Variants in CAMSAP2 observed in about 807,000 individuals in gnomAD.
CAMSAP2 encodes calmodulin-regulated spectrin-associated protein 2.
A neutral mutation model predicts 146.1 loss-of-function variants in CAMSAP2; 26 were observed. That is an observed-to-expected ratio of 0.18 (90% CI 0.13 to 0.25). The LOEUF is 0.25. CAMSAP2 is among the 10% of genes least tolerant of loss of function. The pLI, the probability that CAMSAP2 is intolerant of heterozygous loss-of-function variation, is 1.00. For missense variants in CAMSAP2, 1,381 were observed against 1,759.3 expected (o/e 0.78, Z 3.85); for synonymous variants, 499 against 596.6 (o/e 0.84, Z 2.38).
chr1:200,776,946 G>C (rs558304943), intron 2 of CAMSAP2, among the ~76,000 whole-genome samples: 1 of 152,274 alleles, frequency 6.6e-6, no homozygotes, highest in South Asian at 2.1e-4. Flanking sequence ...TTTCCAGACA[G>C]GTGCTTGCCT....
At chr1:200,834,036 A>G (rs1372705153) in intron 6 of CAMSAP2, among the ~76,000 whole-genome samples, 1 of 152,212 alleles carries the variant, frequency 6.6e-6, no homozygotes, top group Non-Finnish European at 1.5e-5. Context: ...TTTAAGTTGA[A>G]TATATTTTAT....
At chr1:200,824,915 G>A (rs1666866313) in intron 4 of CAMSAP2, among the ~76,000 whole-genome samples, 1 of 152,102 alleles carries the variant, frequency 6.6e-6, no homozygotes, top group Non-Finnish European at 1.5e-5. Flanking sequence ...GGAGGCGGAG[G>A]TTGCAGTGAG....
intron 2 of CAMSAP2, among the ~76,000 whole-genome samples, chr1:200,776,193 G>A (rs1202953832): frequency 2.6e-5 from 4 of 152,104 alleles, no homozygotes; most frequent in Admixed American, 2.0e-4. Flanking sequence ...CAGGGAGCTT[G>A]GAAACATTTT....
chr1:200,815,969 T>TGCA (rs573917778), intron 4 of CAMSAP2, among the ~76,000 whole-genome samples: 45 of 152,224 alleles, frequency 3.0e-4, no homozygotes, highest in Non-Finnish European at 3.8e-4. Context: ...TATAATGACA[T>TGCA]GCAATGCAGC....
intron 7 of CAMSAP2, among the ~76,000 whole-genome samples, chr1:200,842,543 G>A (rs1667350467): frequency 6.6e-6 from 1 of 152,020 alleles, no homozygotes; most frequent in Non-Finnish European, 1.5e-5. Context: ...TACATAATAA[G>A]AATAAAATTA....
intron 2 of CAMSAP2, among the ~76,000 whole-genome samples, chr1:200,767,109 TCA>T (rs1490576383): frequency 6.6e-6 from 1 of 152,070 alleles, no homozygotes; most frequent in Non-Finnish European, 1.5e-5. Context: ...GGCAGGTGGA[TCA>T]CCTGAGGTCA....
At position 200,815,628 on chromosome 1, in the gene CAMSAP2, C is replaced by T. The variant is rs1666460759; in HGVS notation, c.629C>T (p.Ala210Val). ...QKLKEHHTVE[A>V]PGGQKARYRK... ...CTGAAAGAACATCACACAGTTGAAGCTCCAGGAGGTCAAAAGGTATTTATT... is the reference window on the plus strand; with the variant it reads ...CTGAAAGAACATCACACAGTTGAAGTTCCAGGAGGTCAAAAGGTATTTATT... Residue 210 changes from alanine to valine, a missense_variant, in exon 4 of 17, where the codon GCT (alanine) becomes GTT (valine). Transcript: ENST00000358823. 1.3e-6 allele frequency: 2 copies of T among 1,565,550 alleles called. No homozygotes were observed. The highest frequency in any genetic ancestry group is 8.6e-7 in the Non-Finnish European group (1 of 1,157,416).
intron 2 of CAMSAP2, among the ~76,000 whole-genome samples, chr1:200,781,337 G>T (rs969217330): frequency 7.2e-5 from 11 of 152,162 alleles, no homozygotes; most frequent in Non-Finnish European, 1.0e-4. Flanking sequence ...TGTTGGCATA[G>T]GGTAGCAGCA....
chr1:200,817,149 TACAC>T (rs201219415), intron 4 of CAMSAP2, among the ~76,000 whole-genome samples: 25 of 117,082 alleles, frequency 2.1e-4, no homozygotes, highest in Middle Eastern at 4.3e-3. Context: ...TATATACACA[TACAC>T]ACATACACAC....
intron 2 of CAMSAP2, among the ~76,000 whole-genome samples, chr1:200,777,681 T>A (rs926576154): frequency 6.6e-6 from 1 of 152,190 alleles, no homozygotes; most frequent in African/African-American, 2.4e-5. Flanking sequence ...AGGTATACTT[T>A]ACAGTTGTGC....
chr1:200,753,373 T>A (rs1664563878), intron 1 of CAMSAP2, among the ~76,000 whole-genome samples: 1 of 151,990 alleles, frequency 6.6e-6, no homozygotes, highest in African/African-American at 2.4e-5. Context: ...CCTTAGGCAT[T>A]GTCTTAGCTC....
chr1:200,801,262 C>G (rs1040476063), intron 2 of CAMSAP2, among the ~76,000 whole-genome samples: 17 of 138,712 alleles, frequency 1.2e-4, no homozygotes, highest in Non-Finnish European at 1.7e-4. Flanking sequence ...GACTCCATCT[C>G]AAAGAAAAAA....
At chr1:200,745,503 A>T (rs903483001) in intron 1 of CAMSAP2, among the ~76,000 whole-genome samples, 8 of 152,190 alleles carry the variant, frequency 5.3e-5, no homozygotes, top group Non-Finnish European at 1.2e-4. Context: ...CACCCTTTTT[A>T]AAATAAACAA....
At chr1:200,766,255 C>T (rs1255914711) in intron 2 of CAMSAP2, among the ~76,000 whole-genome samples, 3 of 151,844 alleles carry the variant, frequency 2.0e-5, no homozygotes. Context: ...GTGACCCTCC[C>T]ACCTCAGCCT....
intron 1 of CAMSAP2, among the ~76,000 whole-genome samples, chr1:200,754,271 A>G (rs1664586523): frequency 6.6e-6 from 1 of 152,232 alleles, no homozygotes; most frequent in African/African-American, 2.4e-5. Flanking sequence ...CTACTGCAGA[A>G]GAGATGTTGT....
chr1:200,852,454 C>A, intron 11 of CAMSAP2, 87 bp from the exon 12 acceptor site: 1 of 1,462,556 alleles, frequency 6.8e-7, no homozygotes, highest in South Asian at 1.3e-5. Context: ...AGTTATAGGA[C>A]TAACCACAAA....
At chr1:200,780,384 A>G (rs1319682717) in intron 2 of CAMSAP2, among the ~76,000 whole-genome samples, 1 of 152,184 alleles carries the variant, frequency 6.6e-6, no homozygotes. Context: ...AAGATTGACA[A>G]TTTTATGTAG....
chr1:200,780,163 A>G (rs1441256584), intron 2 of CAMSAP2, among the ~76,000 whole-genome samples: 7 of 152,186 alleles, frequency 4.6e-5, no homozygotes, highest in Admixed American at 1.3e-4. Flanking sequence ...TGAATTGTTA[A>G]TGTTTAGAAT....
At chr1:200,770,318 A>T (rs1665080398) in intron 2 of CAMSAP2, among the ~76,000 whole-genome samples, 2 of 152,210 alleles carry the variant, frequency 1.3e-5, no homozygotes, top group East Asian at 1.9e-4. Flanking sequence ...ATAAACGATA[A>T]TGTTAGGATT....
Sources: gnomAD v4.1 joint callset for allele counts (sites outside exome capture counted in the v4.1 genomes callset) on GRCh38, gnomAD v4.1.1 for gene constraint, MANE v1.5 for transcripts, NCBI Gene and HGNC (gene_info 2026-07-23, HGNC 2026-07-21) for gene names.